The following APBA2 variants were observed in gnomAD, a reference collection of about 807,000 sequenced individuals.
APBA2 encodes the protein amyloid-beta A4 precursor protein-binding family A member 2.
In APBA2, 30 loss-of-function variants were observed where a neutral mutation model predicts 75.0. The observed-to-expected ratio is 0.40, with a 90% confidence interval of 0.30 to 0.54. The LOEUF (loss-of-function observed/expected upper bound fraction) is 0.54. Among genes scored for constraint, APBA2 ranks in the 20% least tolerant of loss-of-function variants. The pLI is 0.49. For synonymous variants in APBA2, 444 were observed against 409.6 expected, an observed-to-expected ratio of 1.08 and a Z score of -1.01; for missense variants, 801 against 1,016.1, an observed-to-expected ratio of 0.79 and a Z score of 2.88.
chr15:29,012,241 G>A (rs765838497), intron 3 of APBA2, among the ~76,000 whole-genome samples: 6 of 152,096 alleles, frequency 3.9e-5, no homozygotes, highest in Admixed American at 2.6e-4. Context: ...TTATTATGTC[G>A]CTTTAGGTTC....
rs536714238 is a variant in APBA2, at chr15:29,105,486, C to A, written c.1632C>A (p.Ser544Arg). Reference sequence around the variant, plus strand: ...AAGACTTGAGCCAGAAGGAATACAGCGACATCATCAACACCCAGGAGATGT... The same window carrying A: ...AAGACTTGAGCCAGAAGGAATACAGAGACATCATCAACACCCAGGAGATGT... Reference protein sequence around the residue: ...NPEDLSQKEYSDIINTQEMYN... With the variant: ...NPEDLSQKEYRDIINTQEMYN... Residue 544 changes from serine (S) to arginine (R), a missense_variant, in exon 11 of 15, where the codon AGC becomes AGA. Coordinates refer to ENST00000683413, the MANE Select transcript of APBA2 (RefSeq NM_001353788.2). The A allele has an allele frequency of 3.1e-6, 5 of 1,613,834 alleles. No homozygotes were observed. The highest frequency in any genetic ancestry group is 1.1e-5 in the South Asian group (1 of 91,086).
In APBA2 at chr15:29,005,158, G is replaced by A. The variant is rs1369871122; in HGVS notation, c.-41+9352G>A. Among the ~76,000 whole-genome samples, 5 of 152,286 alleles carry A rather than the reference G, an allele frequency of 3.3e-5. No homozygotes were observed. The South Asian group carries it at 8.3e-4, about 25-fold the overall frequency. On this transcript the variant is annotated intron_variant, in intron 3 of 14. Transcript: ENST00000683413. ...CTTAAGAATTACCCAGACTTGCATC[G>A]GAATTCTGCCTCTACCACTTAACTG...
chr15:28,963,759 A>G (rs1050698474), intron 2 of APBA2, among the ~76,000 whole-genome samples: 7 of 152,246 alleles, frequency 4.6e-5, no homozygotes, highest in African/African-American at 1.7e-4. Context: ...ATTCAAGAAG[A>G]TCCTGAACAC....
rs1035963949 is a variant in APBA2, at chr15:28,886,025, C to A, written c.-458C>A. ...AGCGGCCGGGGCGGGGGCGCAGGCC[C>A]GGCAGCCGCAGGCCGGTGCGGGATG... On this transcript the variant is annotated 5_prime_UTR_variant, in exon 1 of 15. Transcript: ENST00000683413. 2 of 149,394 alleles carry A rather than the reference C, an allele frequency of 1.3e-5. No homozygotes were observed. Among genetic ancestry groups the A allele is most frequent in the Non-Finnish European group, 3.0e-5 (2 of 67,092 alleles). 9.3% of individuals were successfully genotyped at this position (149,394 alleles called of 1,614,324 possible). A position where few individuals can be genotyped will look rare whatever the true frequency, so the allele number is the denominator to read the frequency against.
intron 8 of APBA2, among the ~76,000 whole-genome samples, chr15:29,097,471 C>G (rs907946183): frequency 2.6e-5 from 4 of 152,248 alleles, no homozygotes; most frequent in Non-Finnish European, 5.9e-5. Flanking sequence ...TGGCCAGTAG[C>G]ATTTCCTTCT....
At chr15:29,044,692 G>A (rs868773010) in intron 3 of APBA2, among the ~76,000 whole-genome samples, 1 of 152,182 alleles carries the variant, frequency 6.6e-6, no homozygotes, top group South Asian at 2.1e-4. Context: ...AAGGCTCTGG[G>A]AGGGGAGAAA....
rs546065082 is a variant in APBA2, at chr15:29,072,080, G to A, written c.952-2841G>A. On this transcript the variant is annotated intron_variant, in intron 4 of 14. Transcript: ENST00000683413. ...CCCCCAACCCCTGACTTATCTGGCC[G>A]CCTGATGAGAGTCTGTCGCCCTACA... is the stretch of plus-strand genomic sequence containing the variant. Among the ~76,000 whole-genome samples the A allele has an allele frequency of 5.9e-5, 9 of 152,278 alleles. No homozygotes were observed. In the South Asian group the frequency reaches 1.5e-3, roughly 25 times the overall value.
intron 1 of APBA2, among the ~76,000 whole-genome samples, chr15:28,912,743 T>A (rs1595442611): frequency 6.6e-6 from 1 of 152,262 alleles, no homozygotes; most frequent in Non-Finnish European, 1.5e-5. Context: ...GCTGCAGAGA[T>A]GTCAGAGGAG....
chr15:29,031,010 CT>C (rs770377128), intron 3 of APBA2, among the ~76,000 whole-genome samples: 3 of 151,750 alleles, frequency 2.0e-5, no homozygotes, highest in Non-Finnish European at 4.4e-5. Context: ...GGAATTTTTC[CT>C]TTTATGCCTT....
chr15:29,114,641 G>A (rs1454110594), intron 14 of APBA2, among the ~76,000 whole-genome samples: 1 of 151,958 alleles, frequency 6.6e-6, no homozygotes, highest in Non-Finnish European at 1.5e-5. Flanking sequence ...GAGAGCATGG[G>A]TGTGTGTGGG....
At chr15:28,903,464 A>T (rs1258468412) in intron 1 of APBA2, among the ~76,000 whole-genome samples, 1 of 152,208 alleles carries the variant, frequency 6.6e-6, no homozygotes, top group African/African-American at 2.4e-5. Flanking sequence ...GGGGACACAG[A>T]AAAACAGCCC....
chr15:29,108,221 G>A (rs1282454668), intron 12 of APBA2, 49 bp from the exon 13 acceptor site: 1 of 1,611,898 alleles, frequency 6.2e-7, no homozygotes, highest in African/African-American at 1.3e-5. Context: ...CCTGGGTCAG[G>A]CTTGATGTCT....
intron 1 of APBA2, among the ~76,000 whole-genome samples, chr15:28,894,459 G>A (rs1273458500): frequency 6.6e-6 from 1 of 152,160 alleles, no homozygotes; most frequent in Non-Finnish European, 1.5e-5. Context: ...AGAGCCCCAT[G>A]GTAGGTTGGG....
intron 3 of APBA2, among the ~76,000 whole-genome samples, chr15:29,022,831 T>A (rs1224512438): frequency 1.3e-5 from 2 of 152,220 alleles, no homozygotes; most frequent in Admixed American, 6.5e-5. Flanking sequence ...AATTGAAATA[T>A]TTACTATATT....
chr15:28,917,475 A>G (rs2033737917), intron 1 of APBA2, among the ~76,000 whole-genome samples: 1 of 152,186 alleles, frequency 6.6e-6, no homozygotes, highest in Admixed American at 6.5e-5. Flanking sequence ...TTTTGAATGA[A>G]TCAACCACCA....
intron 2 of APBA2, among the ~76,000 whole-genome samples, chr15:28,926,607 C>T (rs1280097051): frequency 6.6e-6 from 1 of 151,912 alleles, no homozygotes; most frequent in African/African-American, 2.4e-5. Flanking sequence ...GTCATTTATT[C>T]CTTTTTGAAT....
chr15:29,003,277 G>T (rs1035343811), intron 3 of APBA2, among the ~76,000 whole-genome samples: 1 of 152,144 alleles, frequency 6.6e-6, no homozygotes, highest in Non-Finnish European at 1.5e-5. Flanking sequence ...TGGCATGAAG[G>T]TTGTCTTCAG....
At chr15:29,031,276 C>T (rs1037913239) in intron 3 of APBA2, among the ~76,000 whole-genome samples, 4 of 152,110 alleles carry the variant, frequency 2.6e-5, no homozygotes, top group African/African-American at 7.2e-5. Flanking sequence ...GCTCAGGCTG[C>T]GGTAACAAAA....
rs192119728 is a variant in APBA2 at position 29,060,374 on chromosome 15, G to T, written c.951+5539G>T. Among the ~76,000 whole-genome samples, 26 of 152,304 alleles carry T rather than the reference G, an allele frequency of 1.7e-4. No homozygotes were observed. The East Asian group carries it at 4.6e-3, about 27-fold the overall frequency. ...CACCTGTGAATAGACTGTGGACTGTGTTATGCCAAAACCCGTGCCTCTGAA... is the reference window on the plus strand; with the variant it reads ...CACCTGTGAATAGACTGTGGACTGTTTTATGCCAAAACCCGTGCCTCTGAA... On this transcript the variant is annotated intron_variant, in intron 4 of 14. Transcript: ENST00000683413.
Sources: allele counts gnomAD v4.1 joint callset (sites outside exome capture counted in the v4.1 genomes callset), GRCh38; gene constraint gnomAD v4.1.1; transcripts MANE v1.5; gene names NCBI Gene and HGNC (gene_info 2026-07-23, HGNC 2026-07-21).